Variants in SYCE2 observed in about 807,000 individuals in gnomAD.
The protein encoded by SYCE2 is synaptonemal complex central element protein 2, also known as central element synaptonemal complex 1.
SYCE2 carries 3 observed loss-of-function variants against 27.9 expected under a neutral mutation model. The ratio of observed to expected loss-of-function variants is 0.11; its 90% CI spans 0.05 to 0.28. The LOEUF is 0.28. SYCE2 is among the 10% of genes least tolerant of loss of function. SYCE2 has a pLI of 1.00. For synonymous variants in SYCE2, 85 were observed against 100.7 expected, an observed-to-expected ratio of 0.84 and a Z score of 0.93; for missense variants, 207 against 263.5, an observed-to-expected ratio of 0.79 and a Z score of 1.48.
rs1364648219 is a variant in SYCE2, at chr19:12,899,894, C to G, written c.612+110G>C. ...AGTTCACAGTGCGCCCTCCCTCCCT[C>G]CCATCTGGGGGTAGTGCCTTATGCT... On this transcript the variant is annotated intron_variant, in intron 5 of 5. Transcript: ENST00000293695. 8 of 1,584,074 alleles carry G rather than the reference C, an allele frequency of 5.1e-6. No homozygotes were observed. In the Admixed American group the frequency reaches 1.2e-4, roughly 24 times the overall value.
At chr19:12,903,820 A>T (rs1599630222) in intron 3 of SYCE2, among the ~76,000 whole-genome samples, 1 of 148,648 alleles carries the variant, frequency 6.7e-6, no homozygotes, top group Non-Finnish European at 1.5e-5. Flanking sequence ...CTGGTCTCGA[A>T]CTCCTGGCCT....
In SYCE2 at chr19:12,899,174, GACTTGCT is replaced by G; in HGVS notation, c.*160_*166del. ...AAGCCTGGGCCTATGGCAGGGGCTG[GACTTGCT>G]ACATTTTGGGAGTTCAGCACAAGGA... On this transcript the variant is annotated 3_prime_UTR_variant, in exon 6 of 6. Coordinates refer to ENST00000293695, the MANE Select transcript of SYCE2 (RefSeq NM_001105578.2). 1.5e-6 allele frequency: 1 copy of G among 649,766 alleles called. No homozygotes were observed. 40.3% of individuals were successfully genotyped at this position (649,766 alleles called of 1,614,324 possible). A position where few individuals can be genotyped will look rare whatever the true frequency, so the allele number is the denominator to read the frequency against.
intron 2 of SYCE2, among the ~76,000 whole-genome samples, chr19:12,911,615 C>CTTTTTTTTT (rs71168633): frequency 9.6e-6 from 1 of 103,746 alleles, no homozygotes; most frequent in Non-Finnish European, 1.8e-5. Context: ...TAATTTTTGC[C>CTTTTTTTTT]TTTTTTTTTT....
chr19:12,914,604 A>G (rs981485942), intron 2 of SYCE2, among the ~76,000 whole-genome samples: 6 of 142,538 alleles, frequency 4.2e-5, no homozygotes, highest in Admixed American at 7.6e-5. Flanking sequence ...CAAAGCAGCC[A>G]TATTTTTTTA....
At chr19:12,910,090 C>T (rs957360016) in intron 2 of SYCE2, among the ~76,000 whole-genome samples, 6 of 152,168 alleles carry the variant, frequency 3.9e-5, no homozygotes, top group South Asian at 4.1e-4. Flanking sequence ...TGGTCTCCAA[C>T]TCCTGACCTC....
At chr19:12,915,324 GGC>G (rs1475469829) in intron 2 of SYCE2, among the ~76,000 whole-genome samples, 1 of 152,134 alleles carries the variant, frequency 6.6e-6, no homozygotes, top group Admixed American at 6.6e-5. Context: ...AGGTGAGCCG[GGC>G]GCGGTGGCTC....
At chr19:12,910,082 G>A (rs988230025) in intron 2 of SYCE2, among the ~76,000 whole-genome samples, 1 of 151,276 alleles carries the variant, frequency 6.6e-6, no homozygotes, top group Non-Finnish European at 1.5e-5. Context: ...GGCCAGGCTG[G>A]TCTCCAACTC....
rs1231815620 is a variant in SYCE2, at chr19:12,898,982, T to C, written c.*359A>G. ...GCAAGTGACTGCTCTTCCGATGTGC[T>C]GTCCCTCCTATCCCTCCCGAGGGTA... On this transcript the variant is annotated 3_prime_UTR_variant, in exon 6 of 6. Coordinates refer to ENST00000293695, the MANE Select transcript of SYCE2 (RefSeq NM_001105578.2). The C allele has an allele frequency of 1.2e-5, 4 of 323,328 alleles. No homozygotes were observed. The highest frequency in any genetic ancestry group is 1.2e-5 in the Non-Finnish European group (2 of 169,000). 20.0% of individuals were successfully genotyped at this position (323,328 alleles called of 1,614,324 possible).
chr19:12,901,618 T>C (rs990348507), intron 3 of SYCE2, among the ~76,000 whole-genome samples: 1 of 152,048 alleles, frequency 6.6e-6, no homozygotes, highest in Non-Finnish European at 1.5e-5. Flanking sequence ...TTTGCTTTTT[T>C]TGTTTTGTTT....
In SYCE2 at chr19:12,904,536, C is replaced by T. The variant is rs1397624826; in HGVS notation, c.262G>A (p.Asp88Asn). 6.2e-7 allele frequency: 1 copy of T among 1,613,944 alleles called. No individual in the cohort carries two copies. Among genetic ancestry groups the T allele is most frequent in the Admixed American group, 1.7e-5 (1 of 59,984 alleles). Residue 88 changes from aspartate (D) to asparagine (N), a missense_variant, in exon 3 of 6, where the codon GAC becomes AAC. By Grantham distance (23) the Asp-to-Asn change is conservative. Transcript: ENST00000293695. ...CTGAAGTTGGTCATGAGTGCATGGT[C>T]CTTTTGCCGGCTCTTGTTGATGTTT... ...IENINKSRQKDHALMTNFRNS... is the reference protein window; with the variant it reads ...IENINKSRQKNHALMTNFRNS...
chr19:12,905,234 C>T (rs1353665496), intron 2 of SYCE2, among the ~76,000 whole-genome samples: 2 of 152,176 alleles, frequency 1.3e-5, no homozygotes, highest in Non-Finnish European at 2.9e-5. Flanking sequence ...CCCAAGGTTC[C>T]AGACCAAGGA....
rs1413241530 is a variant in SYCE2, at chr19:12,900,595, G to A, written c.360C>T (p.Asp120=). Residue 120 remains aspartate, a synonymous_variant, in exon 4 of 6, where the codon GAC becomes GAT. Transcript: ENST00000293695. ...LEERIYQIYN[D]HNKIIQEKLQ... Reference sequence around the variant, plus strand: ...GCTTTTCCTGGATGATCTTGTTGTGGTCATTATAAATCTGATAGATCCTCT... The same window carrying A: ...GCTTTTCCTGGATGATCTTGTTGTGATCATTATAAATCTGATAGATCCTCT... The A allele has an allele frequency of 6.2e-7, 1 of 1,614,080 alleles. No homozygotes were observed. Among genetic ancestry groups the A allele is most frequent in the Admixed American group, 1.7e-5 (1 of 60,006 alleles).
At chr19:12,900,410 A>G in intron 4 of SYCE2, 50 bp downstream of exon 4, 1 of 1,581,426 alleles carries the variant, frequency 6.3e-7, no homozygotes, top group Non-Finnish European at 8.6e-7. Context: ...TGGCTGGGCC[A>G]TCCCTGTCCT....
Position 12,904,657 on chromosome 19 carries a change from G to A in SYCE2, c.141C>T (p.Cys47=). The part of the protein sequence containing the change: ...EAGGGPASAS[C]QLTVLEGKSG... Reference sequence around the variant, plus strand: ...ACTTCCCTTCCAGGACCGTCAGCTGGCAACTGGCACTGGAGGTGGCGACAC... The same window carrying A: ...ACTTCCCTTCCAGGACCGTCAGCTGACAACTGGCACTGGAGGTGGCGACAC... Residue 47 remains cysteine (C), a synonymous_variant, in exon 3 of 6, where the codon TGC becomes TGT. Coordinates refer to ENST00000293695, the MANE Select transcript of SYCE2 (RefSeq NM_001105578.2). 1 of 1,613,698 alleles carries A rather than the reference G, an allele frequency of 6.2e-7. No homozygotes were observed. The highest frequency in any genetic ancestry group is 8.5e-7 in the Non-Finnish European group (1 of 1,179,958).
At position 12,904,746 on chromosome 19, in the gene SYCE2, A is replaced by T. The variant is rs1417360874; in HGVS notation, c.132-80T>A. On this transcript the variant is annotated intron_variant, in intron 2 of 5. Coordinates refer to ENST00000293695, the MANE Select transcript of SYCE2 (RefSeq NM_001105578.2). ...GCCAGGTGTAGTCGCTCATGCCTGTAATCTCAGCACTTTGTAGGCCGAGGT... is the reference window on the plus strand; with the variant it reads ...GCCAGGTGTAGTCGCTCATGCCTGTTATCTCAGCACTTTGTAGGCCGAGGT... 4.6e-6 allele frequency: 7 copies of T among 1,524,238 alleles called. No homozygotes were observed. In the Admixed American group the frequency reaches 1.3e-4, roughly 27 times the overall value. 94.4% of individuals were successfully genotyped at this position (1,524,238 alleles called of 1,614,324 possible).
intron 2 of SYCE2, among the ~76,000 whole-genome samples, chr19:12,908,496 T>G (rs866720113): frequency 7.2e-5 from 11 of 151,868 alleles, no homozygotes; most frequent in East Asian, 5.8e-4. Flanking sequence ...GGCTAATTTT[T>G]TGTATTTTTA....
chr19:12,908,619 C>T (rs542863879), intron 2 of SYCE2, among the ~76,000 whole-genome samples: 12 of 152,182 alleles, frequency 7.9e-5, no homozygotes, highest in Middle Eastern at 3.4e-3. Context: ...CCACCGCGCC[C>T]GGCCATCCTG....
intron 1 of SYCE2, among the ~76,000 whole-genome samples, chr19:12,918,744 G>A (rs1971185748): frequency 6.6e-6 from 1 of 152,052 alleles, no homozygotes; most frequent in Non-Finnish European, 1.5e-5. Context: ...ACGAGGTCAG[G>A]AGTGCGAGAA....
At position 12,919,234 on chromosome 19, in the gene SYCE2, G is replaced by A. The variant is rs1971198782; in HGVS notation, c.15+9C>T. On this transcript the variant is annotated intron_variant, in intron 1 of 5. Coordinates refer to ENST00000293695, the MANE Select transcript of SYCE2 (RefSeq NM_001105578.2). ...CCCCACGCGCGAGAAGGAAACAAGC[G>A]CCGCGTACTCCCTGTCGCTCCATTC... The A allele has an allele frequency of 6.2e-7, 1 of 1,611,198 alleles. No homozygotes were observed. The highest frequency in any genetic ancestry group is 1.3e-5 in the African/African-American group (1 of 75,066).
Sources: gnomAD v4.1 joint callset for allele counts (sites outside exome capture counted in the v4.1 genomes callset) on GRCh38, gnomAD v4.1.1 for gene constraint, MANE v1.5 for transcripts, NCBI Gene and HGNC (gene_info 2026-07-23, HGNC 2026-07-21) for gene names.